The following PDGFD variants were observed in gnomAD, a reference collection of about 807,000 sequenced individuals.
PDGFD encodes the protein platelet derived growth factor D.
Under a neutral mutation model 44.7 loss-of-function variants are expected in PDGFD, and 30 were observed. The ratio of observed to expected loss-of-function variants is 0.67; its 90% CI spans 0.50 to 0.91. PDGFD has a LOEUF of 0.91. Ranked by LOEUF, PDGFD falls within the 40% of genes least tolerant of loss-of-function variation. The pLI is 0.00. For missense variants in PDGFD, 445 were observed against 457.8 expected, an observed-to-expected ratio of 0.97 and a Z score of 0.25; for synonymous variants, 173 against 168.4, an observed-to-expected ratio of 1.03 and a Z score of -0.21.
chr11:104,083,320 T>C (rs1043071124), intron 1 of PDGFD, among the ~76,000 whole-genome samples: 3 of 152,058 alleles, frequency 2.0e-5, no homozygotes, highest in Non-Finnish European at 4.4e-5. Flanking sequence ...TAAAATGATA[T>C]GTGGGAGCAA....
At chr11:103,950,143 A>G (rs1342437046) in intron 3 of PDGFD, among the ~76,000 whole-genome samples, 1 of 152,176 alleles carries the variant, frequency 6.6e-6, no homozygotes, top group Non-Finnish European at 1.5e-5. Context: ...ATGCAATTCA[A>G]CAAAGTAAAG....
chr11:104,036,484 T>C, intron 1 of PDGFD: 1 of 303,664 alleles, frequency 3.3e-6, no homozygotes, highest in Admixed American at 4.5e-5. Context: ...ATATCATGTG[T>C]TAAATAGGCT....
Position 104,001,602 on chromosome 11 carries a change from G to A in PDGFD, c.125-1347C>T, listed in dbSNP as rs183353217. Among the ~76,000 whole-genome samples the A allele has an allele frequency of 9.9e-5, 15 of 152,282 alleles. No individual in the cohort carries two copies. In the East Asian group the frequency reaches 2.3e-3, roughly 24 times the overall value. ...ACCTGTGGAATTTGGCCTAACTCCC[G>A]GTAGTTTTCATCAGAATTGCATCAT... On this transcript the variant is annotated intron_variant, in intron 1 of 6. Coordinates refer to ENST00000393158, the MANE Select transcript of PDGFD (RefSeq NM_025208.5).
chr11:104,001,165 T>A (rs1349100988), intron 1 of PDGFD, among the ~76,000 whole-genome samples: 1 of 152,166 alleles, frequency 6.6e-6, no homozygotes, highest in African/African-American at 2.4e-5. Context: ...GAAGATTGAG[T>A]CCACTCATGT....
intron 1 of PDGFD, among the ~76,000 whole-genome samples, chr11:104,065,107 C>G (rs1395369898): frequency 6.6e-6 from 1 of 152,162 alleles, no homozygotes; most frequent in Non-Finnish European, 1.5e-5. Context: ...CTACATCTTT[C>G]TCCTGTGCTG....
At position 103,943,608 on chromosome 11, in the gene PDGFD, T is replaced by A; in HGVS notation, c.616A>T (p.Ile206Phe). 6.2e-7 allele frequency: 1 copy of A among 1,613,204 alleles called. No individual in the cohort carries two copies. Among genetic ancestry groups the A allele is most frequent in the Non-Finnish European group, 8.5e-7 (1 of 1,179,520 alleles). Residue 206 changes from isoleucine to phenylalanine, a missense_variant, in exon 5 of 7, where the codon ATT (isoleucine) becomes TTT (phenylalanine). Coordinates refer to ENST00000393158, the MANE Select transcript of PDGFD (RefSeq NM_025208.5). ...ATTTTTTTGTCCAGAGCATCCGCAA[T>A]CAGAGTGGGATCCGTTACTGATGGA... ...NSPSVTDPTL[I>F]ADALDKKIAE...
At chr11:104,006,660 G>A (rs898642674) in intron 1 of PDGFD, among the ~76,000 whole-genome samples, 2 of 152,184 alleles carry the variant, frequency 1.3e-5, no homozygotes, top group African/African-American at 4.8e-5. Flanking sequence ...GAACAGAAGT[G>A]CAGAAGAATG....
intron 1 of PDGFD, among the ~76,000 whole-genome samples, chr11:104,100,423 G>T (rs1861358914): frequency 6.6e-6 from 1 of 152,094 alleles, no homozygotes; most frequent in Non-Finnish European, 1.5e-5. Flanking sequence ...GGAAGAAGTT[G>T]AATCTCTGAA....
rs566336868 is a variant in PDGFD, at chr11:103,978,534, T to A, written c.510+17531A>T. ...GTGAATTGAGAGAAACACTCCAGCC[T>A]ACTGAGTTTTTTTTAATGGAATTAA... On this transcript the variant is annotated intron_variant, in intron 3 of 6. Transcript: ENST00000393158. 2.0e-5 allele frequency among the ~76,000 whole-genome samples: 3 copies of A among 151,006 alleles called. No homozygotes were observed. The South Asian group carries it at 6.3e-4, about 32-fold the overall frequency.
At chr11:104,084,349 A>G (rs1200154318) in intron 1 of PDGFD, among the ~76,000 whole-genome samples, 2 of 152,190 alleles carry the variant, frequency 1.3e-5, no homozygotes, top group African/African-American at 4.8e-5. Flanking sequence ...TGCTGCTGAA[A>G]CTGAGATGAC....
chr11:104,050,443 G>C (rs919850319), intron 1 of PDGFD, among the ~76,000 whole-genome samples: 2 of 152,180 alleles, frequency 1.3e-5, no homozygotes, highest in Non-Finnish European at 1.5e-5. Context: ...GGGCCCGCTT[G>C]AGATTCTACT....
chr11:104,124,710 A>T (rs1861818952), intron 1 of PDGFD, among the ~76,000 whole-genome samples: 1 of 152,202 alleles, frequency 6.6e-6, no homozygotes, highest in East Asian at 1.9e-4. Context: ...CCTCTAGTCT[A>T]AACCCTACTG....
Position 103,996,122 on chromosome 11 carries a change from G to A in PDGFD, c.453C>T (p.Phe151=), listed in dbSNP as rs1023780630. The part of the protein sequence containing the change: ...KSRTNQIKIT[F]KSDDYFVAKP... ...TAGCCACAAAGTAGTCATCGGACTT[G>A]AATGTGATTTTAATTTGGTTCGTTC... Residue 151 remains phenylalanine, a synonymous_variant, in exon 3 of 7, where the codon TTC becomes TTT. Coordinates refer to ENST00000393158, the MANE Select transcript of PDGFD (RefSeq NM_025208.5). 6.2e-6 allele frequency: 10 copies of A among 1,613,734 alleles called. No individual in the cohort carries two copies. Among genetic ancestry groups the A allele is most frequent in the Non-Finnish European group, 8.5e-6 (10 of 1,179,782 alleles).
At chr11:104,037,441 G>A in intron 1 of PDGFD, 2 of 1,614,128 alleles carry the variant, frequency 1.2e-6, no homozygotes, top group Non-Finnish European at 1.7e-6. Context: ...CGACCCACTG[G>A]ATCGGGAAGC....
At chr11:103,992,361 A>T (rs1317978283) in intron 3 of PDGFD, among the ~76,000 whole-genome samples, 1 of 152,208 alleles carries the variant, frequency 6.6e-6, no homozygotes, top group Non-Finnish European at 1.5e-5. Flanking sequence ...GAGGAGACAG[A>T]TATATACATA....
At chr11:103,929,827 A>G (rs974159087) in intron 5 of PDGFD, among the ~76,000 whole-genome samples, 2 of 152,190 alleles carry the variant, frequency 1.3e-5, no homozygotes, top group African/African-American at 4.8e-5. Flanking sequence ...AGGGAGCCAG[A>G]CAGAGGCTGA....
chr11:104,088,943 GA>G (rs546035334), intron 1 of PDGFD, among the ~76,000 whole-genome samples: 2 of 151,940 alleles, frequency 1.3e-5, no homozygotes, highest in South Asian at 2.1e-4. Flanking sequence ...AAAACTACGG[GA>G]AAAAATCCAT....
At chr11:104,156,715 G>T (rs1045604865) in intron 1 of PDGFD, among the ~76,000 whole-genome samples, 1 of 152,198 alleles carries the variant, frequency 6.6e-6, no homozygotes, top group African/African-American at 2.4e-5. Flanking sequence ...TGAAGGAAAA[G>T]ACATATTATC....
intron 5 of PDGFD, among the ~76,000 whole-genome samples, chr11:103,937,012 G>A (rs913450648): frequency 6.6e-6 from 1 of 151,790 alleles, no homozygotes; most frequent in Non-Finnish European, 1.5e-5. Flanking sequence ...TTTTTGTAGA[G>A]ACAGGTTCTC....
Sources: allele counts gnomAD v4.1 joint callset (sites outside exome capture counted in the v4.1 genomes callset), GRCh38; gene constraint gnomAD v4.1.1; transcripts MANE v1.5; gene names NCBI Gene and HGNC (gene_info 2026-07-23, HGNC 2026-07-21).